Variants in SLC24A3 observed in about 807,000 individuals in gnomAD.
The protein encoded by SLC24A3 is sodium/potassium/calcium exchanger 3.
In SLC24A3, 28 loss-of-function variants were observed where a neutral mutation model predicts 75.8. The ratio of observed to expected loss-of-function variants is 0.37; its 90% CI spans 0.27 to 0.51. SLC24A3 has a LOEUF of 0.51. Ranked by LOEUF, SLC24A3 falls within the 20% of genes least tolerant of loss-of-function variation. The probability of loss-of-function intolerance (pLI) is 0.94; values close to 1 mark genes in which losing one functional copy is unlikely to be tolerated. For synonymous variants in SLC24A3, 372 were observed against 334.1 expected (o/e 1.11, Z -1.24); for missense variants, 663 against 847.8 (o/e 0.78, Z 2.71).
intron 6 of SLC24A3, among the ~76,000 whole-genome samples, chr20:19,622,407 T>C (rs905669903): frequency 6.6e-6 from 1 of 152,182 alleles, no homozygotes; most frequent in Non-Finnish European, 1.5e-5. Flanking sequence ...GGTAAAAGTG[T>C]TTAGTGATAG....
chr20:19,313,106 A>G (rs7273952), intron 2 of SLC24A3, among the ~76,000 whole-genome samples: 15,927 of 134,536 alleles, frequency 0.12, 2,868 homozygotes, highest in African/African-American at 0.4. Context: ...GCAGGATCTC[A>G]GCTCACTGCA....
chr20:19,463,250 C>T (rs567556255), intron 2 of SLC24A3, among the ~76,000 whole-genome samples: 2 of 152,320 alleles, frequency 1.3e-5, no homozygotes, highest in Admixed American at 6.5e-5. Context: ...ACACTGCATC[C>T]TTGTACATTC....
intron 3 of SLC24A3, among the ~76,000 whole-genome samples, chr20:19,569,757 C>T (rs2031021922): frequency 6.6e-6 from 1 of 152,180 alleles, no homozygotes; most frequent in Non-Finnish European, 1.5e-5. Flanking sequence ...AACCCCCTTC[C>T]CCACACTTAC....
intron 6 of SLC24A3, among the ~76,000 whole-genome samples, chr20:19,650,940 T>C (rs1280929421): frequency 6.6e-6 from 1 of 152,216 alleles, no homozygotes; most frequent in Non-Finnish European, 1.5e-5. Flanking sequence ...ATTTTTTCTG[T>C]AGTCTTCTGA....
At chr20:19,488,256 G>A (rs1471541349) in intron 2 of SLC24A3, among the ~76,000 whole-genome samples, 2 of 152,224 alleles carry the variant, frequency 1.3e-5, no homozygotes, top group Non-Finnish European at 2.9e-5. Flanking sequence ...AGGTGCCTTG[G>A]AGCAGGGACT....
At chr20:19,294,437 C>G (rs1019158543) in intron 2 of SLC24A3, among the ~76,000 whole-genome samples, 19 of 152,286 alleles carry the variant, frequency 1.2e-4, no homozygotes, top group African/African-American at 3.9e-4. Context: ...TCTTTCTCCC[C>G]CTTCTCCCCA....
intron 2 of SLC24A3, among the ~76,000 whole-genome samples, chr20:19,466,526 A>G (rs561489243): frequency 1.3e-5 from 2 of 152,288 alleles, no homozygotes; most frequent in South Asian, 4.1e-4. Flanking sequence ...ATAGTGCCCC[A>G]TACTTCCCTG....
intron 1 of SLC24A3, among the ~76,000 whole-genome samples, chr20:19,226,422 C>T (rs911854421): frequency 3.9e-5 from 6 of 152,120 alleles, no homozygotes; most frequent in Non-Finnish European, 8.8e-5. Flanking sequence ...CAGGGTAATA[C>T]TGGCACCATA....
intron 2 of SLC24A3, among the ~76,000 whole-genome samples, chr20:19,460,762 C>T (rs1568624382): frequency 6.6e-6 from 1 of 152,146 alleles, no homozygotes; most frequent in African/African-American, 2.4e-5. Flanking sequence ...ATACTGCAGG[C>T]CCTCCCTTGT....
intron 2 of SLC24A3, among the ~76,000 whole-genome samples, chr20:19,460,790 C>G (rs1176813060): frequency 2.6e-5 from 4 of 152,176 alleles, no homozygotes; most frequent in African/African-American, 9.7e-5. Context: ...CCTACTTTCC[C>G]TCTCCTCTTT....
chr20:19,299,053 A>G (rs1984130026), intron 2 of SLC24A3, among the ~76,000 whole-genome samples: 1 of 152,170 alleles, frequency 6.6e-6, no homozygotes, highest in African/African-American at 2.4e-5. Flanking sequence ...GTGAGGGGAA[A>G]AAAGCCGGCA....
intron 2 of SLC24A3, among the ~76,000 whole-genome samples, chr20:19,287,165 A>G (rs780504367): frequency 1.3e-5 from 2 of 152,362 alleles, no homozygotes; most frequent in African/African-American, 4.8e-5. Flanking sequence ...GTTCTAGTCT[A>G]TAGTTGCACC....
intron 6 of SLC24A3, among the ~76,000 whole-genome samples, chr20:19,639,042 T>G (rs921582373): frequency 6.6e-6 from 1 of 152,172 alleles, no homozygotes; most frequent in Non-Finnish European, 1.5e-5. Context: ...GGCAGCCTGC[T>G]TTTATTCTCT....
intron 6 of SLC24A3, among the ~76,000 whole-genome samples, chr20:19,638,514 G>A (rs2122694170): frequency 6.6e-6 from 1 of 152,288 alleles, no homozygotes; most frequent in East Asian, 1.9e-4. Context: ...CAAGAAAGGA[G>A]GAGTGGAGTG....
chr20:19,249,569 T>C (rs374609128), intron 1 of SLC24A3, among the ~76,000 whole-genome samples: 2 of 152,358 alleles, frequency 1.3e-5, no homozygotes, highest in African/African-American at 4.8e-5. Context: ...TTCATTTCTT[T>C]GCTTCACTTT....
At chr20:19,514,843 A>G (rs2029952510) in intron 2 of SLC24A3, among the ~76,000 whole-genome samples, 1 of 152,128 alleles carries the variant, frequency 6.6e-6, no homozygotes, top group African/African-American at 2.4e-5. Flanking sequence ...ATGGAGGTCA[A>G]CTTAGAAAGG....
At chr20:19,246,471 A>G (rs1982487546) in intron 1 of SLC24A3, among the ~76,000 whole-genome samples, 1 of 152,176 alleles carries the variant, frequency 6.6e-6, no homozygotes, top group Admixed American at 6.5e-5. Flanking sequence ...ATATAGGTAC[A>G]GCTATAGCAG....
chr20:19,322,077 T>C (rs879629624), intron 2 of SLC24A3, among the ~76,000 whole-genome samples: 4 of 152,118 alleles, frequency 2.6e-5, no homozygotes, highest in Admixed American at 2.6e-4. Flanking sequence ...CCACACGATG[T>C]CAATATCTCT....
chr20:19,293,207 T>C (rs912186689), intron 2 of SLC24A3, among the ~76,000 whole-genome samples: 2 of 152,188 alleles, frequency 1.3e-5, no homozygotes, highest in African/African-American at 4.8e-5. Context: ...ACTAGGCCAA[T>C]TTATTAAATT....
Sources: gnomAD v4.1 joint callset for allele counts (sites outside exome capture counted in the v4.1 genomes callset) on GRCh38, gnomAD v4.1.1 for gene constraint, MANE v1.5 for transcripts, NCBI Gene and HGNC (gene_info 2026-07-23, HGNC 2026-07-21) for gene names.